ADGRV1: variants seen among roughly 807,000 people sequenced by gnomAD.
The protein encoded by ADGRV1 is adhesion G protein-coupled receptor V1, also known as G-protein coupled receptor 98.
ADGRV1 carries 359 observed loss-of-function variants against 596.2 expected under a neutral mutation model. The observed-to-expected ratio is 0.60, with a 90% confidence interval of 0.55 to 0.66. ADGRV1 has a LOEUF of 0.66. Ranked by LOEUF, ADGRV1 falls within the 30% of genes least tolerant of loss-of-function variation. The pLI is 0.00. For missense variants in ADGRV1, 7,274 were observed against 7,575.6 expected (o/e 0.96, Z 1.48); for synonymous variants, 2,681 against 2,679.2 (o/e 1.00, Z -0.02).
intron 84 of ADGRV1, among the ~76,000 whole-genome samples, chr5:90,980,154 A>G (rs1304337350): frequency 6.6e-6 from 1 of 152,214 alleles, no homozygotes; most frequent in Non-Finnish European, 1.5e-5. Flanking sequence ...AGAATTCAAG[A>G]GTACATCATC....
intron 66 of ADGRV1, among the ~76,000 whole-genome samples, chr5:90,783,557 C>T (rs1422214091): frequency 6.6e-6 from 1 of 152,146 alleles, no homozygotes; most frequent in African/African-American, 2.4e-5. Context: ...TTTCTCTAGA[C>T]TTAAATAATC....
chr5:90,650,186 A>G (rs1345236120), intron 17 of ADGRV1, among the ~76,000 whole-genome samples: 1 of 152,194 alleles, frequency 6.6e-6, no homozygotes, highest in Non-Finnish European at 1.5e-5. Flanking sequence ...GTTTATCCTG[A>G]TGCTAATCAT....
chr5:90,955,040 G>C lies in ADGRV1; in HGVS notation c.17857-10375G>C, dbSNP rs187067199. ...TTTGTGCACTTAGAAGAAAAGACCA[G>C]AGAGAGCTCGCTTTTTCTCTCTCTG... On this transcript the variant is annotated intron_variant, in intron 83 of 89. Coordinates refer to ENST00000405460, the MANE Select transcript of ADGRV1 (RefSeq NM_032119.4). Among the ~76,000 whole-genome samples, 16 of 151,548 alleles carry C rather than the reference G, an allele frequency of 1.1e-4. No homozygotes were observed. In the East Asian group the frequency reaches 2.9e-3, roughly 27 times the overall value.
At chr5:90,759,267 A>G (rs924784598) in intron 57 of ADGRV1, 142 bp from the exon 58 acceptor site, 45 of 605,216 alleles carry the variant, frequency 7.4e-5, no homozygotes, top group Non-Finnish European at 5.4e-5. Context: ...TTTTAGTACC[A>G]TGTTTCTGAG....
intron 84 of ADGRV1, among the ~76,000 whole-genome samples, chr5:90,976,220 A>G: frequency 6.8e-6 from 1 of 147,264 alleles, no homozygotes; most frequent in East Asian, 2.0e-4. Context: ...GAGTGTGTAT[A>G]TATATATATA....
At chr5:90,817,133 G>C (rs1366930796) in intron 75 of ADGRV1, among the ~76,000 whole-genome samples, 1 of 152,080 alleles carries the variant, frequency 6.6e-6, no homozygotes, top group Non-Finnish European at 1.5e-5. Flanking sequence ...ATCTCATTGT[G>C]GTTTTGATTT....
chr5:90,648,559 C>T (rs1045846078), intron 17 of ADGRV1, among the ~76,000 whole-genome samples: 29 of 152,150 alleles, frequency 1.9e-4, no homozygotes, highest in African/African-American at 6.5e-4. Flanking sequence ...CAGTGGAATG[C>T]CAACGTTGTG....
At position 90,811,791 on chromosome 5, in the gene ADGRV1, A is replaced by C. The variant is rs1762461292; in HGVS notation, c.16078+453A>C. 1.3e-5 allele frequency among the ~76,000 whole-genome samples: 2 copies of C among 151,422 alleles called. 1 individual carries two copies. Among genetic ancestry groups the C allele is most frequent in the South Asian group, 4.2e-4 (2 of 4,818 alleles). The stretch of plus-strand genomic sequence containing the variant: ...TTGCCTTTTGTTTTGCTTTTGACCC[A>C]ATGTAGTTGATATAGCCATCATACT... On this transcript the variant is annotated intron_variant, in intron 74 of 89. Transcript: ENST00000405460.
Position 90,703,729 on chromosome 5 carries a change from GA to G in ADGRV1, c.8224del (p.Ile2742LeufsTer6). On this transcript the variant is annotated frameshift_variant, in exon 35 of 90. Transcript: ENST00000405460. LOFTEE classifies it high-confidence loss of function. Reference sequence around the variant, plus strand: ...GTCGAGGAAATGTTACTGTTAACTGGAAAATTATTGGGCAAAATCTAGAACT... The same window carrying G: ...GTCGAGGAAATGTTACTGTTAACTGGAAATTATTGGGCAAAATCTAGAACT... The part of the protein sequence containing the change: ...PGRGNVTVNW[K>X]IIGQNLELNF... The G allele has an allele frequency of 1.9e-6, 3 of 1,605,320 alleles. No homozygotes were observed. Among genetic ancestry groups the G allele is most frequent in the Non-Finnish European group, 2.6e-6 (3 of 1,175,226 alleles).
chr5:90,969,792 C>A (rs549873299), intron 84 of ADGRV1, among the ~76,000 whole-genome samples: 2 of 152,186 alleles, frequency 1.3e-5, no homozygotes, highest in Non-Finnish European at 2.9e-5. Flanking sequence ...CAGCTCCTAG[C>A]GTGAGCAACA....
chr5:91,055,076 T>C (rs985214317), intron 85 of ADGRV1, among the ~76,000 whole-genome samples: 1 of 152,182 alleles, frequency 6.6e-6, no homozygotes, highest in Non-Finnish European at 1.5e-5. Context: ...AAAAAGGTTG[T>C]AAGTTTTTCT....
chr5:90,851,614 T>A (rs1321717565), intron 79 of ADGRV1, among the ~76,000 whole-genome samples: 1 of 152,166 alleles, frequency 6.6e-6, no homozygotes, highest in Non-Finnish European at 1.5e-5. Flanking sequence ...CTGAGGTTGG[T>A]CACTGTGAAT....
At chr5:90,625,535 C>T (rs1294833057) in intron 6 of ADGRV1, 1 of 222,146 alleles carries the variant, frequency 4.5e-6, no homozygotes, top group Non-Finnish European at 8.7e-6. Context: ...ACAATACTAA[C>T]CTAGAATAAA....
At chr5:90,840,526 A>T in intron 77 of ADGRV1, 52 bp from the exon 78 acceptor site, 1 of 1,445,560 alleles carries the variant, frequency 6.9e-7, no homozygotes, top group Non-Finnish European at 9.3e-7. Flanking sequence ...TTTGTTTAGG[A>T]CAAGATCAGA....
rs2149687937 is a variant in ADGRV1, at chr5:90,704,472, T to C, written c.8370T>C (p.Tyr2790=). 7.7e-6 allele frequency: 12 copies of C among 1,560,762 alleles called. No homozygotes were observed. The highest frequency in any genetic ancestry group is 1.0e-5 in the Non-Finnish European group (12 of 1,146,260). ...AAGAAGTATACCAAGTCATTCTGTATGATGTCAGGACACAAGGTAATTCAG... is the reference window on the plus strand; with the variant it reads ...AAGAAGTATACCAAGTCATTCTGTACGATGTCAGGACACAAGGTAATTCAG... The part of the protein sequence containing the change: ...EEKEVYQVIL[Y]DVRTQGVPPA... The change falls in exon 36 of 90, where the codon TAT becomes TAC. Residue 2790 remains tyrosine, a synonymous_variant. Transcript: ENST00000405460.
At chr5:91,070,379 T>C (rs1419631108) in intron 85 of ADGRV1, among the ~76,000 whole-genome samples, 1 of 152,236 alleles carries the variant, frequency 6.6e-6, no homozygotes, top group African/African-American at 2.4e-5. Context: ...TCCCCCTGAG[T>C]TGTCTTCAAA....
intron 89 of ADGRV1, among the ~76,000 whole-genome samples, chr5:91,159,944 T>A (rs1449573680): frequency 6.6e-6 from 1 of 152,174 alleles, no homozygotes; most frequent in Non-Finnish European, 1.5e-5. Flanking sequence ...TTGACAAGAT[T>A]CCTGAAAATG....
intron 1 of ADGRV1, chr5:90,614,583 A>G: frequency 4.7e-6 from 2 of 421,508 alleles, no homozygotes; most frequent in East Asian, 5.1e-5. Context: ...ACTTACAGCT[A>G]TTATCTTGGT....
chr5:90,595,980 C>T (rs1241831103), intron 1 of ADGRV1, among the ~76,000 whole-genome samples: 2 of 150,598 alleles, frequency 1.3e-5, no homozygotes, highest in Non-Finnish European at 3.0e-5. Context: ...GGAGAGGCTC[C>T]TCACTTTTCA....
Sources: gnomAD v4.1 joint callset for allele counts (sites outside exome capture counted in the v4.1 genomes callset) on GRCh38, gnomAD v4.1.1 for gene constraint, MANE v1.5 for transcripts, NCBI Gene and HGNC (gene_info 2026-07-23, HGNC 2026-07-21) for gene names.